The following HS2ST1 variants were observed in gnomAD, a reference collection of about 807,000 sequenced individuals.
The protein encoded by HS2ST1 is 2-O-sulfotransferase.
In HS2ST1, 18 loss-of-function variants were observed where a neutral mutation model predicts 42.9. The ratio of observed to expected loss-of-function variants is 0.42; its 90% CI spans 0.29 to 0.62. HS2ST1 has a LOEUF of 0.62. Among genes scored for constraint, HS2ST1 ranks in the 20% least tolerant of loss-of-function variants. HS2ST1 has a pLI of 0.21. For synonymous variants in HS2ST1, 146 were observed against 152.9 expected (o/e 0.95, Z 0.33); for missense variants, 334 against 433.8 (o/e 0.77, Z 2.04).
At chr1:87,014,895 A>C (rs528208842) in intron 1 of HS2ST1, among the ~76,000 whole-genome samples, 1 of 152,350 alleles carries the variant, frequency 6.6e-6, no homozygotes, top group East Asian at 1.9e-4. Context: ...TAACTTCTAT[A>C]AATACACACA....
At chr1:86,922,049 GT>G (rs2102154284) in intron 1 of HS2ST1, among the ~76,000 whole-genome samples, 1 of 152,030 alleles carries the variant, frequency 6.6e-6, no homozygotes, top group African/African-American at 2.4e-5. Flanking sequence ...GTTGCTATTT[GT>G]TTTCTGTTTA....
intron 1 of HS2ST1, among the ~76,000 whole-genome samples, chr1:87,020,084 G>A (rs1649897139): frequency 6.6e-6 from 1 of 152,144 alleles, no homozygotes; most frequent in Non-Finnish European, 1.5e-5. Context: ...AGTAGAGCTG[G>A]AGATGTTATT....
At chr1:86,942,965 G>A (rs1394333022) in intron 1 of HS2ST1, among the ~76,000 whole-genome samples, 1 of 151,946 alleles carries the variant, frequency 6.6e-6, no homozygotes, top group Non-Finnish European at 1.5e-5. Context: ...TTCTGGCTCT[G>A]TCTCCTTGGG....
chr1:87,103,742 A>G (rs931673390), intron 6 of HS2ST1, among the ~76,000 whole-genome samples, 153 bp downstream of exon 6: 2 of 152,190 alleles, frequency 1.3e-5, no homozygotes, highest in African/African-American at 4.8e-5. Flanking sequence ...ACTATTTTCA[A>G]TTGAGTAACT....
chr1:87,104,008 G>A lies in HS2ST1; in HGVS notation c.844+419G>A, dbSNP rs192588943. Among the ~76,000 whole-genome samples the A allele has an allele frequency of 2.1e-3, 325 of 152,180 alleles. 2 individuals carry two copies. Among genetic ancestry groups the A allele is most frequent in the African/African-American group, 7.1e-3 (293 of 41,528 alleles). On this transcript the variant is annotated intron_variant, in intron 6 of 6. Coordinates refer to ENST00000370550, the MANE Select transcript of HS2ST1 (RefSeq NM_012262.4). ...GCTAATTGTGTTTTTGTTTTGTTTCGTTTTTTGCTATTGCTTGATAAGATG... is the reference window on the plus strand; with the variant it reads ...GCTAATTGTGTTTTTGTTTTGTTTCATTTTTTGCTATTGCTTGATAAGATG...
At chr1:86,925,330 C>T (rs1235119036) in intron 1 of HS2ST1, among the ~76,000 whole-genome samples, 1 of 152,190 alleles carries the variant, frequency 6.6e-6, no homozygotes, top group Admixed American at 6.5e-5. Flanking sequence ...CTGTTCTAAC[C>T]TCTGCCTATT....
At position 87,109,369 on chromosome 1, in the gene HS2ST1, TG is replaced by T. The variant is rs1289007518; in HGVS notation, c.*4674del. ...TATTTTATCTGGACTGACATGCCTC[TG>T]CTGCTTTTGCTTTGTACTTCATTGC... On this transcript the variant is annotated 3_prime_UTR_variant, in exon 7 of 7. Transcript: ENST00000370550. 1 of 152,100 alleles carries T rather than the reference TG, an allele frequency of 6.6e-6. No individual in the cohort carries two copies. The highest frequency in any genetic ancestry group is 1.5e-5 in the Non-Finnish European group (1 of 67,978). 9.4% of individuals were successfully genotyped at this position (152,100 alleles called of 1,614,324 possible). A position where few individuals can be genotyped will look rare whatever the true frequency, so the allele number is the denominator to read the frequency against.
intron 2 of HS2ST1, among the ~76,000 whole-genome samples, chr1:87,076,948 C>A (rs2100638340): frequency 6.6e-6 from 1 of 152,244 alleles, no homozygotes; most frequent in Admixed American, 6.5e-5. Context: ...TGCGTTAGAG[C>A]CCACAGTTCA....
At chr1:86,952,986 C>T (rs934151049) in intron 1 of HS2ST1, among the ~76,000 whole-genome samples, 1 of 152,022 alleles carries the variant, frequency 6.6e-6, no homozygotes, top group African/African-American at 2.4e-5. Context: ...ATGCCATCTT[C>T]TTCCAGTACA....
chr1:87,033,720 T>G (rs1020550149), intron 1 of HS2ST1, among the ~76,000 whole-genome samples: 12 of 152,160 alleles, frequency 7.9e-5, no homozygotes, highest in Admixed American at 2.0e-4. Flanking sequence ...TTTTTGTATT[T>G]TTAGTAGAGA....
chr1:87,001,060 A>C (rs1649267373), intron 1 of HS2ST1, among the ~76,000 whole-genome samples: 1 of 152,212 alleles, frequency 6.6e-6, no homozygotes, highest in Non-Finnish European at 1.5e-5. Flanking sequence ...AGTGGATATA[A>C]CCCTGATAAT....
At chr1:87,030,324 C>G (rs1650197067) in intron 1 of HS2ST1, among the ~76,000 whole-genome samples, 1 of 152,024 alleles carries the variant, frequency 6.6e-6, no homozygotes, top group Non-Finnish European at 1.5e-5. Flanking sequence ...CATAGGAGAC[C>G]CTATCTCTAC....
intron 1 of HS2ST1, among the ~76,000 whole-genome samples, chr1:87,065,590 G>A (rs1393826843): frequency 6.6e-6 from 1 of 152,118 alleles, no homozygotes; most frequent in Non-Finnish European, 1.5e-5. Flanking sequence ...GCCTGTGGTT[G>A]GGCTCTAAGA....
At chr1:87,060,262 G>T (rs1333184825) in intron 1 of HS2ST1, among the ~76,000 whole-genome samples, 1 of 152,028 alleles carries the variant, frequency 6.6e-6, no homozygotes. Context: ...AAGGAATGTT[G>T]CAGGAAACAA....
At chr1:87,092,202 T>G (rs1651962753) in intron 3 of HS2ST1, among the ~76,000 whole-genome samples, 1 of 152,084 alleles carries the variant, frequency 6.6e-6, no homozygotes, top group African/African-American at 2.4e-5. Context: ...GGGGATTTTC[T>G]ACTTGGACTT....
chr1:86,958,572 T>C (rs1052491470), intron 1 of HS2ST1: 3 of 152,234 alleles, frequency 2.0e-5, no homozygotes, highest in Non-Finnish European at 4.4e-5. Flanking sequence ...TATTTTGTAA[T>C]TAACATTATG....
rs143620010 is a variant in HS2ST1 at position 86,970,957 on chromosome 1, C to T, written c.124+55797C>T. Among the ~76,000 whole-genome samples, 703 of 152,088 alleles carry T rather than the reference C, an allele frequency of 4.6e-3. 4 individuals are homozygous for T. The highest frequency in any genetic ancestry group is 0.02 in the Middle Eastern group (6 of 294). ...AGCACAATTGACAAGTTCTCTTTTA[C>T]GGAAAAGGCCCCAAAATGTCTTCTA... On this transcript the variant is annotated intron_variant, in intron 1 of 6. Transcript: ENST00000370550.
intron 1 of HS2ST1, among the ~76,000 whole-genome samples, chr1:87,070,534 G>A (rs1404977171): frequency 6.6e-6 from 1 of 152,172 alleles, no homozygotes; most frequent in African/African-American, 2.4e-5. Flanking sequence ...CGAGGCTGCA[G>A]TGAGCCATGG....
At position 87,048,663 on chromosome 1, in the gene HS2ST1, C is replaced by T. The variant is rs369652617; in HGVS notation, c.125-24271C>T. On this transcript the variant is annotated intron_variant, in intron 1 of 6. Transcript: ENST00000370550. ...AGTCCCAGTTTGCTGAGATTTTTATCATGCTTCTAGTCCCAGTTTGCTGAG... is the reference window on the plus strand; with the variant it reads ...AGTCCCAGTTTGCTGAGATTTTTATTATGCTTCTAGTCCCAGTTTGCTGAG... Among the ~76,000 whole-genome samples the T allele has an allele frequency of 5.1e-4, 77 of 151,752 alleles. No individual in the cohort carries two copies. The East Asian group carries it at 8.2e-3, about 16-fold the overall frequency.
Sources: gnomAD v4.1 joint callset for allele counts (sites outside exome capture counted in the v4.1 genomes callset) on GRCh38, gnomAD v4.1.1 for gene constraint, MANE v1.5 for transcripts, NCBI Gene and HGNC (gene_info 2026-07-23, HGNC 2026-07-21) for gene names.